The following FAM3D variants were observed in gnomAD, a reference collection of about 807,000 sequenced individuals.
FAM3D encodes FAM3 metabolism regulating signaling molecule D, also known as protein FAM3D.
FAM3D carries 26 observed loss-of-function variants against 29.8 expected under a neutral mutation model. The ratio of observed to expected loss-of-function variants is 0.87; its 90% CI spans 0.64 to 1.21. The LOEUF is 1.21. Among genes scored for constraint, FAM3D ranks in the 50% most tolerant of loss-of-function variants. The pLI, the probability that FAM3D is intolerant of heterozygous loss-of-function variation, is 0.00. For synonymous variants in FAM3D, 115 were observed against 102.3 expected (o/e 1.12, Z -0.75); for missense variants, 253 against 290.9 (o/e 0.87, Z 0.95).
intron 3 of FAM3D, 137 bp from the exon 4 acceptor site, chr3:58,649,475 G>T: frequency 1.1e-6 from 1 of 931,176 alleles, no homozygotes; most frequent in Non-Finnish European, 1.7e-6. Flanking sequence ...AAAATGCCTT[G>T]CCACTGTCAC....
chr3:58,637,994 C>G (rs1287399274), intron 7 of FAM3D, among the ~76,000 whole-genome samples: 5 of 152,176 alleles, frequency 3.3e-5, no homozygotes, highest in African/African-American at 1.2e-4. Context: ...AAGCGATTCT[C>G]CTGCCTCAGC....
At chr3:58,663,282 G>T (rs148100805) in intron 1 of FAM3D, among the ~76,000 whole-genome samples, 1 of 152,180 alleles carries the variant, frequency 6.6e-6, no homozygotes, top group African/African-American at 2.4e-5. Context: ...ACTCTGAACT[G>T]GAGATGTTAT....
At chr3:58,641,787 G>T (rs2066341384) in intron 6 of FAM3D, among the ~76,000 whole-genome samples, 1 of 152,236 alleles carries the variant, frequency 6.6e-6, no homozygotes, top group Non-Finnish European at 1.5e-5. Flanking sequence ...ATAAATGCTA[G>T]TTCTTATTGC....
At chr3:58,664,363 T>C (rs2066989893) in intron 1 of FAM3D, among the ~76,000 whole-genome samples, 2 of 152,218 alleles carry the variant, frequency 1.3e-5, no homozygotes, top group African/African-American at 2.4e-5. Context: ...CTCTCAATCA[T>C]TGATGTGACT....
At chr3:58,664,367 T>C (rs2066989940) in intron 1 of FAM3D, among the ~76,000 whole-genome samples, 1 of 152,236 alleles carries the variant, frequency 6.6e-6, no homozygotes, top group Admixed American at 6.5e-5. Flanking sequence ...CAATCATTGA[T>C]GTGACTAATT....
chr3:58,652,755 A>C (rs2066676466), intron 3 of FAM3D, among the ~76,000 whole-genome samples: 1 of 151,316 alleles, frequency 6.6e-6, no homozygotes, highest in Admixed American at 6.6e-5. Flanking sequence ...TTGCCCATTC[A>C]TCTGTCCATC....
chr3:58,640,769 T>C lies in FAM3D; in HGVS notation c.323-592A>G, dbSNP rs369911771. 1.3e-3 allele frequency among the ~76,000 whole-genome samples: 193 copies of C among 152,328 alleles called. 1 individual carries two copies. The highest frequency in any genetic ancestry group is 4.5e-3 in the African/African-American group (187 of 41,578). Reference sequence around the variant, plus strand: ...AAGCCCTCCAGGGAACCGAGTCTTCTGGAGGAACGTTACAGTTCGCGCTCT... The same window carrying C: ...AAGCCCTCCAGGGAACCGAGTCTTCCGGAGGAACGTTACAGTTCGCGCTCT... On this transcript the variant is annotated intron_variant, in intron 6 of 9. Coordinates refer to ENST00000358781, the MANE Select transcript of FAM3D (RefSeq NM_138805.3).
At chr3:58,654,174 A>G (rs771399222) in intron 2 of FAM3D, among the ~76,000 whole-genome samples, 2 of 152,204 alleles carry the variant, frequency 1.3e-5, no homozygotes, top group Non-Finnish European at 2.9e-5. Context: ...GAGCCCTGGA[A>G]AGGGAGTCAG....
At position 58,634,218 on chromosome 3, in the gene FAM3D, T is replaced by C; in HGVS notation, c.*61A>G. On this transcript the variant is annotated 3_prime_UTR_variant, in exon 10 of 10. Coordinates refer to ENST00000358781, the MANE Select transcript of FAM3D (RefSeq NM_138805.3). The surrounding 1 kb of genome is among the most constrained non-coding windows in gnomAD (Gnocchi z 4.6). ...CTCCTCCTCAGCCCCTGCCGGGCTC[T>C]GACTCCTAAGTCAGGCAGGAGCTTC... is the stretch of plus-strand genomic sequence containing the variant. The C allele has an allele frequency of 6.5e-7, 1 of 1,527,392 alleles. No individual in the cohort carries two copies. Among genetic ancestry groups the C allele is most frequent in the Non-Finnish European group, 9.0e-7 (1 of 1,112,556 alleles). 94.6% of individuals were successfully genotyped at this position (1,527,392 alleles called of 1,614,324 possible). A position where few individuals can be genotyped will look rare whatever the true frequency, so the allele number is the denominator to read the frequency against.
At chr3:58,663,399 C>T (rs562217547) in intron 1 of FAM3D, among the ~76,000 whole-genome samples, 1 of 152,214 alleles carries the variant, frequency 6.6e-6, no homozygotes, top group South Asian at 2.1e-4. Flanking sequence ...TGTGAGCCCC[C>T]AGATCTGCCT....
intron 4 of FAM3D, 45 bp from the exon 5 acceptor site, chr3:58,645,671 G>A: frequency 6.5e-7 from 1 of 1,537,154 alleles, no homozygotes; most frequent in Non-Finnish European, 9.0e-7. Flanking sequence ...AGCTCAGGAG[G>A]TACTTGGGGG....
At chr3:58,663,236 G>A (rs1244373056) in intron 1 of FAM3D, among the ~76,000 whole-genome samples, 1 of 152,182 alleles carries the variant, frequency 6.6e-6, no homozygotes, top group Non-Finnish European at 1.5e-5. Flanking sequence ...CAGGAGAGAG[G>A]AGCTGCCTTT....
At chr3:58,663,850 TCCCA>T (rs1197008524) in intron 1 of FAM3D, among the ~76,000 whole-genome samples, 18 of 152,168 alleles carry the variant, frequency 1.2e-4, no homozygotes, top group African/African-American at 4.1e-4. Flanking sequence ...GACTCCCAGC[TCCCA>T]GCTCCCAGCT....
At position 58,640,986 on chromosome 3, in the gene FAM3D, G is replaced by T. The variant is rs571353983; in HGVS notation, c.323-809C>A. ...CTTGGAAGGAGTCTATGAACCCATG[G>T]GGCTGCTTTTGTGATCGCGTGCGCT... On this transcript the variant is annotated intron_variant, in intron 6 of 9. Coordinates refer to ENST00000358781, the MANE Select transcript of FAM3D (RefSeq NM_138805.3). Among the ~76,000 whole-genome samples the T allele has an allele frequency of 4.6e-5, 7 of 152,324 alleles. No homozygotes were observed. In the East Asian group the frequency reaches 1.2e-3, roughly 25 times the overall value.
At chr3:58,659,568 G>T (rs1398079357) in intron 1 of FAM3D, among the ~76,000 whole-genome samples, 1 of 152,194 alleles carries the variant, frequency 6.6e-6, no homozygotes, top group African/African-American at 2.4e-5. Context: ...GAATCTCTCC[G>T]TGAAAGCACC....
intron 1 of FAM3D, among the ~76,000 whole-genome samples, chr3:58,662,697 C>G (rs1291763772): frequency 6.6e-6 from 1 of 152,090 alleles, no homozygotes; most frequent in African/African-American, 2.4e-5. Context: ...CATCTGTTCC[C>G]CCTTCTTCTG....
intron 3 of FAM3D, 51 bp downstream of exon 3, chr3:58,653,623 G>T (rs1216229593): frequency 6.5e-7 from 1 of 1,528,742 alleles, no homozygotes; most frequent in African/African-American, 1.4e-5. Context: ...TATGTCTTCG[G>T]CCCCCAGGCC....
At chr3:58,637,937 T>G (rs1467501995) in intron 7 of FAM3D, among the ~76,000 whole-genome samples, 1 of 151,280 alleles carries the variant, frequency 6.6e-6, no homozygotes, top group South Asian at 2.1e-4. Flanking sequence ...CAGGCTGGAG[T>G]GCAATGGCGC....
chr3:58,649,338 G>A lies in FAM3D; in HGVS notation c.122C>T (p.Ala41Val), dbSNP rs930743776. 1 of 1,613,920 alleles carries A rather than the reference G, an allele frequency of 6.2e-7. No homozygotes were observed. Among genetic ancestry groups the A allele is most frequent in the Non-Finnish European group, 8.5e-7 (1 of 1,179,896 alleles). ...MKTIRLPRWL[A>V]ASPTKEIQVK... ...ACGGATCTCCTTGGTGGGCGAGGCT[G>A]CTGGAGAGAAGACAGAATCTGGTTA... The change falls in exon 4 of 10, where the codon GCA becomes GTA. Residue 41 changes from alanine (A) to valine (V), a missense_variant and splice_region_variant. By Grantham distance (64) the Ala-to-Val change is moderately conservative (BLOSUM62 0). Transcript: ENST00000358781.
Sources: gnomAD v4.1 joint callset for allele counts (sites outside exome capture counted in the v4.1 genomes callset) on GRCh38, gnomAD v4.1.1 for gene constraint, Gnocchi (gnomAD v3.1) non-coding constraint, MANE v1.5 for transcripts, NCBI Gene and HGNC (gene_info 2026-07-23, HGNC 2026-07-21) for gene names.